The following ZBTB16 variants were observed in gnomAD, a reference collection of about 807,000 sequenced individuals.
The protein encoded by ZBTB16 is zinc finger and BTB domain-containing protein 16.
A neutral mutation model predicts 56.8 loss-of-function variants in ZBTB16; 8 were observed. That is an observed-to-expected ratio of 0.14 (90% CI 0.08 to 0.25). The LOEUF (loss-of-function observed/expected upper bound fraction) is 0.25. Among genes scored for constraint, ZBTB16 ranks in the 10% least tolerant of loss-of-function variants. The pLI, the probability that ZBTB16 is intolerant of heterozygous loss-of-function variation, is 1.00. For missense variants in ZBTB16, 625 were observed against 903.0 expected (o/e 0.69, Z 3.95); for synonymous variants, 363 against 368.5 (o/e 0.98, Z 0.17).
intron 2 of ZBTB16, among the ~76,000 whole-genome samples, chr11:114,140,042 A>ACCTCT (rs139174195): frequency 0.021 from 3,187 of 151,572 alleles, 102 homozygotes; most frequent in African/African-American, 0.073. Context: ...TTTCAACCCC[A>ACCTCT]CCTCTTTTCT....
chr11:114,192,012 T>A (rs1302296758), intron 4 of ZBTB16, among the ~76,000 whole-genome samples: 1 of 152,046 alleles, frequency 6.6e-6, no homozygotes, highest in Non-Finnish European at 1.5e-5. Flanking sequence ...AACAATAAAG[T>A]GTTATTGTCT....
chr11:114,099,597 A>G (rs949391380), intron 2 of ZBTB16, among the ~76,000 whole-genome samples: 1 of 152,126 alleles, frequency 6.6e-6, no homozygotes, highest in African/African-American at 2.4e-5. Flanking sequence ...TGGTGAGTCA[A>G]TGGTTCTTAA....
chr11:114,237,816 C>G (rs1259626716), intron 4 of ZBTB16, among the ~76,000 whole-genome samples: 1 of 152,238 alleles, frequency 6.6e-6, no homozygotes, highest in African/African-American at 2.4e-5. Context: ...CACATCTCCC[C>G]CACTTTTCCA....
intron 3 of ZBTB16, among the ~76,000 whole-genome samples, chr11:114,160,170 TC>T (rs1243185430): frequency 6.6e-6 from 1 of 152,144 alleles, no homozygotes; most frequent in East Asian, 1.9e-4. Context: ...TAGTCCTGGC[TC>T]CAGGCCAGGC....
At chr11:114,220,426 C>G (rs555702867) in intron 4 of ZBTB16, among the ~76,000 whole-genome samples, 1 of 152,278 alleles carries the variant, frequency 6.6e-6, no homozygotes, top group African/African-American at 2.4e-5. Context: ...GTTCTAGCCT[C>G]CGATGCTTAC....
intron 5 of ZBTB16, among the ~76,000 whole-genome samples, chr11:114,242,930 C>T (rs932537746): frequency 2.0e-5 from 3 of 152,128 alleles, no homozygotes; most frequent in Non-Finnish European, 2.9e-5. Context: ...AATATCACTG[C>T]TCAGCCAGTT....
At chr11:114,210,021 C>T (rs1943962991) in intron 4 of ZBTB16, 2 of 956,516 alleles carry the variant, frequency 2.1e-6, no homozygotes, top group Non-Finnish European at 2.5e-6. Context: ...GCTTGGTTTC[C>T]TCATTGGTAG....
chr11:114,253,754 G>A lies in ZBTB16; in HGVS notation c.*3199G>A, dbSNP rs1375038858. 6.6e-6 allele frequency among the ~76,000 whole-genome samples: 1 copy of A among 152,252 alleles called. No individual in the cohort carries two copies. The highest frequency in any genetic ancestry group is 2.4e-5 in the African/African-American group (1 of 41,470). On this transcript the variant is annotated 3_prime_UTR_variant, in exon 7 of 7. Transcript: ENST00000335953. The stretch of plus-strand genomic sequence containing the variant: ...ACTTCCTACCTACAACAACAGAACA[G>A]TTCTAATGTTGCACGGCCTAGTGGC...
At chr11:114,141,984 C>A (rs577951395) in intron 2 of ZBTB16, among the ~76,000 whole-genome samples, 26 of 152,338 alleles carry the variant, frequency 1.7e-4, no homozygotes, top group African/African-American at 6.0e-4. Context: ...TTACAGTTAT[C>A]ACTTTTCGTG....
chr11:114,222,916 C>T (rs1277429316), intron 4 of ZBTB16, among the ~76,000 whole-genome samples: 1 of 152,098 alleles, frequency 6.6e-6, no homozygotes, highest in Non-Finnish European at 1.5e-5. Flanking sequence ...ACTCTGAGGT[C>T]AGCTTATGTG....
intron 4 of ZBTB16, among the ~76,000 whole-genome samples, chr11:114,233,077 G>GCA (rs1326347388): frequency 5.6e-5 from 2 of 35,746 alleles, no homozygotes; most frequent in African/African-American, 1.6e-4. Flanking sequence ...GCGCGCGCGC[G>GCA]CGCGCACACA....
At chr11:114,248,056 C>T (rs940090510) in intron 6 of ZBTB16, among the ~76,000 whole-genome samples, 1 of 152,162 alleles carries the variant, frequency 6.6e-6, no homozygotes, top group African/African-American at 2.4e-5. Flanking sequence ...TGCCACCACG[C>T]CCAGCTAATT....
rs1938952375 is a variant in ZBTB16, at chr11:114,063,213, T to C, written c.-88T>C. On this transcript the variant is annotated splice_region_variant and 5_prime_UTR_variant, in exon 2 of 7. Transcript: ENST00000335953. The surrounding 1 kb of genome is among the most constrained non-coding windows in gnomAD (Gnocchi z 6.5). The stretch of plus-strand genomic sequence containing the variant: ...TCTTCCCCTCTTCTTTCTCCTAGCC[T>C]CCTCTATTGGCCCAGGAAGCCCACC... The C allele has an allele frequency of 4.9e-6, 7 of 1,438,322 alleles. No individual in the cohort carries two copies. In the East Asian group the frequency reaches 1.4e-4, roughly 29 times the overall value. The allele number at this position is 1,438,322 out of a possible 1,614,324, so 89.1% of individuals were successfully genotyped here.
At chr11:114,137,538 A>G (rs771753973) in intron 2 of ZBTB16, among the ~76,000 whole-genome samples, 1 of 152,180 alleles carries the variant, frequency 6.6e-6, no homozygotes, top group African/African-American at 2.4e-5. Context: ...TATTTATATG[A>G]CTAGACTTGA....
chr11:114,083,269 C>T lies in ZBTB16; in HGVS notation c.1268+18701C>T, dbSNP rs186755292. 1.9e-4 allele frequency among the ~76,000 whole-genome samples: 29 copies of T among 152,312 alleles called. No homozygotes were observed. In the East Asian group the frequency reaches 5.2e-3, roughly 27 times the overall value. On this transcript the variant is annotated intron_variant, in intron 2 of 6. Transcript: ENST00000335953. ...GAAAGGGGGATAGTCTTGCTTGGCA[C>T]CTACCACCTTTAACCCAAAACCAAA...
chr11:114,242,065 T>C, intron 4 of ZBTB16, 102 bp from the exon 5 acceptor site: 1 of 1,478,624 alleles, frequency 6.8e-7, no homozygotes, highest in Non-Finnish European at 9.3e-7. Flanking sequence ...AGCATGGGGA[T>C]TTGGAGGTGT....
intron 2 of ZBTB16, among the ~76,000 whole-genome samples, chr11:114,148,335 G>GGCTGGCTTGCTT (rs200421296): frequency 0.026 from 2,345 of 91,054 alleles, 112 homozygotes; most frequent in Middle Eastern, 0.071. Flanking sequence ...ATGGCTGGCT[G>GGCTGGCTTGCTT]GCTTCCTTCC....
chr11:114,160,364 G>A (rs572679659), intron 3 of ZBTB16, among the ~76,000 whole-genome samples: 1 of 152,302 alleles, frequency 6.6e-6, no homozygotes, highest in South Asian at 2.1e-4. Context: ...TGTCATTTCT[G>A]AAAGGCAGAC....
At chr11:114,210,201 G>A (rs924235091) in intron 4 of ZBTB16, among the ~76,000 whole-genome samples, 43 of 151,652 alleles carry the variant, frequency 2.8e-4, no homozygotes, top group African/African-American at 6.8e-4. Context: ...GTGCGTGCGC[G>A]CGCGTGCACA....
Sources: allele counts gnomAD v4.1 joint callset (sites outside exome capture counted in the v4.1 genomes callset), GRCh38; gene constraint gnomAD v4.1.1; non-coding constraint Gnocchi (gnomAD v3.1); transcripts MANE v1.5; gene names NCBI Gene and HGNC (gene_info 2026-07-23, HGNC 2026-07-21).